The following FAM187A variants were observed in gnomAD, a reference collection of about 807,000 sequenced individuals.
FAM187A encodes family with sequence similarity 187 member A.
In FAM187A, 4 loss-of-function variants were observed where a neutral mutation model predicts 6.4. That is an observed-to-expected ratio of 0.63 (90% CI 0.31 to 1.44). The LOEUF (loss-of-function observed/expected upper bound fraction) is 1.44, where lower values mean the gene tolerates loss of function less well. FAM187A is among the 40% of genes most tolerant of loss of function. The pLI is 0.07. For missense variants in FAM187A, 463 were observed against 542.2 expected (o/e 0.85, Z 1.45); for synonymous variants, 221 against 213.4 (o/e 1.04, Z -0.31).
exon 4 of FAM187A, chr17:44,905,000 G>C: frequency 6.4e-7 from 1 of 1,550,878 alleles, no homozygotes; most frequent in Admixed American, 2.0e-5. Context: ...CATCACAGCA[G>C]TCTTTGTCAC....
At chr17:44,904,810 C>A (rs1327267257) in exon 4 of FAM187A, 2 of 1,550,572 alleles carry the variant, frequency 1.3e-6, no homozygotes, top group Non-Finnish European at 1.7e-6. Context: ...TTGACCACGG[C>A]AACCAGCTCC....
chr17:44,904,797 T>C, exon 4 of FAM187A: 1 of 1,550,646 alleles, frequency 6.4e-7, no homozygotes, highest in African/African-American at 1.4e-5. Flanking sequence ...ATGAGGGTGT[T>C]CATTGACCAC....
chr17:44,905,349 C>CT, exon 4 of FAM187A: 1 of 455,904 alleles, frequency 2.2e-6, no homozygotes, highest in Non-Finnish European at 4.1e-6. Context: ...AGTGTGAACT[C>CT]AGATTTATCC....
chr17:44,904,468 T>C (rs762939513), exon 4 of FAM187A: 42 of 1,545,800 alleles, frequency 2.7e-5, no homozygotes, highest in Non-Finnish European at 3.7e-5. Flanking sequence ...ATGTGGTGTC[T>C]TGTGGCTCAA....
chr17:44,904,460 G>A (rs1220129124), exon 4 of FAM187A: 1 of 1,544,356 alleles, frequency 6.5e-7, no homozygotes, highest in Admixed American at 2.0e-5. Flanking sequence ...CGTGCCCGAT[G>A]TGGTGTCTTG....
exon 4 of FAM187A, chr17:44,903,754 A>C: frequency 2.0e-6 from 3 of 1,469,094 alleles, no homozygotes; most frequent in Non-Finnish European, 1.8e-6. Flanking sequence ...TCCGCTTAGC[A>C]GAGCTTTCTA....
At chr17:44,903,687 C>T (rs935529371) in exon 4 of FAM187A, 2 of 1,437,052 alleles carry the variant, frequency 1.4e-6, no homozygotes, top group Non-Finnish European at 1.8e-6. Context: ...TGGCGGCTTC[C>T]TCTGCAGATT....
exon 4 of FAM187A, chr17:44,904,281 A>G (rs1324332201): frequency 2.6e-6 from 4 of 1,549,942 alleles, no homozygotes; most frequent in Non-Finnish European, 3.5e-6. Context: ...GCCACTTTCC[A>G]GGACAAGGGC....
At chr17:44,904,848 G>A (rs764267260) in exon 4 of FAM187A, 140 of 1,550,504 alleles carry the variant, frequency 9.0e-5, no homozygotes, top group Middle Eastern at 1.7e-4. Flanking sequence ...CTGGATGACC[G>A]GGGCATCTAC....
chr17:44,904,658 C>A (rs573962108), exon 4 of FAM187A: 1 of 1,550,450 alleles, frequency 6.4e-7, no homozygotes, highest in Non-Finnish European at 8.7e-7. Flanking sequence ...CATTCAGTTC[C>A]ACCAGCAGAG....
In FAM187A at chr17:44,904,942, T is replaced by C. The variant is rs1187034356; in HGVS notation, c.1113T>C (p.Asp371=). 6 of 1,550,542 alleles carry C rather than the reference T, an allele frequency of 3.9e-6. No homozygotes were observed. The African/African-American group carries it at 5.5e-5, about 14-fold the overall frequency. Residue 371 remains aspartate (D), a synonymous_variant, in exon 4 of 4, where the codon GAT becomes GAC. Transcript: ENST00000331733. ...GGCACTACCCAGCCTCGTTCTCAGA[T>C]CCTGAGACTCGCTCGGCTGTGGAGC...
At chr17:44,903,965 G>C in exon 4 of FAM187A, 1 of 1,550,600 alleles carries the variant, frequency 6.4e-7, no homozygotes, top group Non-Finnish European at 8.7e-7. Flanking sequence ...CTACCTGGCC[G>C]ACATGAGCTT....
chr17:44,904,787 A>G, exon 4 of FAM187A: 1 of 1,550,638 alleles, frequency 6.4e-7, no homozygotes, highest in Non-Finnish European at 8.7e-7. Flanking sequence ...CAACAGGTCC[A>G]TGAGGGTGTT....
chr17:44,903,737 A>G (rs1597847623), exon 4 of FAM187A: 2 of 1,454,966 alleles, frequency 1.4e-6, no homozygotes, highest in East Asian at 5.0e-5. Flanking sequence ...TTCCTCATCT[A>G]GAGGCTTCCG....
chr17:44,904,315 C>T, exon 4 of FAM187A: 2 of 1,544,992 alleles, frequency 1.3e-6, no homozygotes, highest in Non-Finnish European at 1.7e-6. Context: ...CAGATGAATA[C>T]TATGGGCACC....
chr17:44,904,557 G>T (rs1244209905), exon 4 of FAM187A: 7 of 1,550,508 alleles, frequency 4.5e-6, no homozygotes, highest in Middle Eastern at 1.7e-4. Context: ...TTAGTACCCT[G>T]TGAGAAGACA....
chr17:44,904,109 C>A (rs557103248), exon 4 of FAM187A: 1 of 1,550,478 alleles, frequency 6.4e-7, no homozygotes, highest in African/African-American at 1.4e-5. Flanking sequence ...AGCCCAGGTA[C>A]GTGTGGGCAG....
At chr17:44,904,648 C>T in exon 4 of FAM187A, 1 of 1,550,550 alleles carries the variant, frequency 6.4e-7, no homozygotes, top group African/African-American at 1.4e-5. Flanking sequence ...CCCAGGTGCC[C>T]ATTCAGTTCC....
chr17:44,903,691 G>A, exon 4 of FAM187A: 1 of 1,437,920 alleles, frequency 7.0e-7, no homozygotes, highest in Non-Finnish European at 9.1e-7. Flanking sequence ...GGCTTCCTCT[G>A]CAGATTGTTG....
Sources: gnomAD v4.1 joint callset for allele counts on GRCh38, gnomAD v4.1.1 for gene constraint, MANE v1.5 for transcripts, NCBI Gene and HGNC (gene_info 2026-07-23, HGNC 2026-07-21) for gene names.